The following NLRP5 variants were observed in gnomAD, a reference collection of about 807,000 sequenced individuals.
The protein encoded by NLRP5 is NLR family pyrin domain containing 5.
A neutral mutation model predicts 113.1 loss-of-function variants in NLRP5; 93 were observed. The ratio of observed to expected loss-of-function variants is 0.82; its 90% CI spans 0.70 to 0.98. The LOEUF (loss-of-function observed/expected upper bound fraction) is 0.98. Among genes scored for constraint, NLRP5 ranks in the 50% least tolerant of loss-of-function variants. The pLI, the probability that NLRP5 is intolerant of heterozygous loss-of-function variation, is 0.00. For missense variants in NLRP5, 1,808 were observed against 1,514.3 expected (o/e 1.19, Z -3.22); for synonymous variants, 751 against 600.7 (o/e 1.25, Z -3.66).
chr19:56,045,447 G>A (rs1983687216), intron 11 of NLRP5, among the ~76,000 whole-genome samples: 1 of 151,916 alleles, frequency 6.6e-6, no homozygotes, highest in African/African-American at 2.4e-5. Flanking sequence ...AAGTTTTAGG[G>A]TACATGTGCA....
At chr19:56,032,945 C>T (rs1213030465) in intron 8 of NLRP5, among the ~76,000 whole-genome samples, 164 bp downstream of exon 8, 1 of 152,032 alleles carries the variant, frequency 6.6e-6, no homozygotes, top group Non-Finnish European at 1.5e-5. Context: ...AGTGGGGAGT[C>T]GCTAAAGACC....
At chr19:56,061,175 AGT>A (rs1201532174) in intron 14 of NLRP5, among the ~76,000 whole-genome samples, 6 of 152,212 alleles carry the variant, frequency 3.9e-5, no homozygotes, top group Non-Finnish European at 8.8e-5. Context: ...TTCTTTCATA[AGT>A]GGAGGGGGAG....
intron 7 of NLRP5, among the ~76,000 whole-genome samples, chr19:56,030,714 C>CTGTTTTTTTTTTTTTTT (rs1983067006): frequency 1.4e-5 from 1 of 71,350 alleles, no homozygotes; most frequent in South Asian, 5.6e-4. Context: ...CTTTCTTCTT[C>CTGTTTTTTTTTTTTTTT]TTTTTTTTTT....
chr19:56,038,245 T>G (rs558311398), intron 10 of NLRP5, 50 bp downstream of exon 10: 1 of 1,544,538 alleles, frequency 6.5e-7, no homozygotes, highest in Admixed American at 1.7e-5. Context: ...CCACCAGGAT[T>G]ATCGTAACTT....
intron 2 of NLRP5, among the ~76,000 whole-genome samples, chr19:56,007,866 A>T (rs913875134): frequency 1.8e-5 from 2 of 114,096 alleles, no homozygotes; most frequent in Non-Finnish European, 3.8e-5. Flanking sequence ...TGTACAAGAC[A>T]GTTTGTGTGT....
At chr19:56,008,519 C>T (rs12977273) in intron 2 of NLRP5, among the ~76,000 whole-genome samples, 80,227 of 151,822 alleles carry the variant, frequency 0.53, 22,825 homozygotes, top group Non-Finnish European at 0.64. Flanking sequence ...TTAATCACCA[C>T]AATTAACCTC....
the NLRP5 span, among the ~76,000 whole-genome samples, chr19:55,993,978 C>T: frequency 1.3e-4 from 20 of 151,940 alleles, no homozygotes; most frequent in African/African-American, 4.3e-4. Flanking sequence ...TGATATACTT[C>T]GGGTAAATCA....
At chr19:55,997,268 T>C (rs1423518849), upstream of NLRP5, among the ~76,000 whole-genome samples, 1 of 152,230 alleles carries the variant, frequency 6.6e-6, no homozygotes, top group Non-Finnish European at 1.5e-5. Context: ...TCCTTCAGTC[T>C]GCTGATGAAC....
At chr19:56,007,426 C>G (rs1159426470) in intron 2 of NLRP5, among the ~76,000 whole-genome samples, 2 of 149,532 alleles carry the variant, frequency 1.3e-5, no homozygotes, top group Admixed American at 6.7e-5. Context: ...GAATCACTTC[C>G]TAGAAGGAGT....
At chr19:56,009,267 T>A (rs60616806) in intron 3 of NLRP5, among the ~76,000 whole-genome samples, 48,643 of 144,308 alleles carry the variant, frequency 0.34, 8,198 homozygotes, top group Admixed American at 0.41. Context: ...TTGGACCCGG[T>A]AGGCAGAGGT....
the NLRP5 span, among the ~76,000 whole-genome samples, chr19:55,989,200 ACTTAT>A: frequency 4.6e-5 from 7 of 152,286 alleles, no homozygotes; most frequent in East Asian, 5.8e-4. Context: ...ATTTATGTCT[ACTTAT>A]CTTCTACTAA....
chr19:56,032,322 G>A (rs1030164337), intron 7 of NLRP5, among the ~76,000 whole-genome samples: 8 of 149,824 alleles, frequency 5.3e-5, no homozygotes, highest in Non-Finnish European at 3.0e-5. Context: ...TCCAGCCTGG[G>A]CAACGGAGCG....
intron 11 of NLRP5, among the ~76,000 whole-genome samples, chr19:56,042,598 C>T (rs1458798855): frequency 2.0e-5 from 3 of 152,158 alleles, no homozygotes; most frequent in Non-Finnish European, 4.4e-5. Flanking sequence ...ATCTGCCTGC[C>T]TCCCAGAGTG....
chr19:56,045,805 A>C (rs947624044), intron 11 of NLRP5, among the ~76,000 whole-genome samples: 1 of 152,186 alleles, frequency 6.6e-6, no homozygotes, highest in Non-Finnish European at 1.5e-5. Flanking sequence ...ACAGGGCACA[A>C]TGCCACAAGG....
At chr19:55,990,426 C>T in the NLRP5 span, among the ~76,000 whole-genome samples, 4 of 152,216 alleles carry the variant, frequency 2.6e-5, no homozygotes, top group East Asian at 3.9e-4. Context: ...CACAGTGGCT[C>T]ATGCCTATAA....
chr19:56,034,240 T>C (rs1983231020), intron 9 of NLRP5, among the ~76,000 whole-genome samples: 2 of 152,080 alleles, frequency 1.3e-5, no homozygotes, highest in Admixed American at 1.3e-4. Context: ...AATACAAAAA[T>C]TAGCCAGGCG....
upstream of NLRP5, among the ~76,000 whole-genome samples, chr19:55,996,779 A>G (rs536440687): frequency 2.0e-5 from 3 of 152,326 alleles, no homozygotes; most frequent in South Asian, 4.1e-4. Flanking sequence ...TATTGTGAAT[A>G]GTGCCACAAT....
At chr19:56,051,238 G>C (rs1020620159) in intron 12 of NLRP5, among the ~76,000 whole-genome samples, 2 of 152,240 alleles carry the variant, frequency 1.3e-5, no homozygotes, top group African/African-American at 4.8e-5. Flanking sequence ...TGTTGCCCAG[G>C]CTAGAGTGCA....
At chr19:55,988,144 C>T in the NLRP5 span, 1 of 351,390 alleles carries the variant, frequency 2.8e-6, no homozygotes, top group Non-Finnish European at 5.3e-6. Flanking sequence ...TGTAACCCAG[C>T]ACTATGGGAG....
Sources: gnomAD v4.1 joint callset for allele counts (sites outside exome capture counted in the v4.1 genomes callset) on GRCh38, gnomAD v4.1.1 for gene constraint, MANE v1.5 for transcripts, NCBI Gene and HGNC (gene_info 2026-07-23, HGNC 2026-07-21) for gene names.